CSMD3: variants seen among roughly 807,000 people sequenced by gnomAD.
CSMD3 encodes CUB and Sushi multiple domains 3.
In CSMD3, 177 loss-of-function variants were observed where a neutral mutation model predicts 435.2. The ratio of observed to expected loss-of-function variants is 0.41; its 90% confidence interval spans 0.36 to 0.46. The LOEUF (loss-of-function observed/expected upper bound fraction) is 0.46. Ranked by LOEUF, CSMD3 falls within the 20% of genes least tolerant of loss-of-function variation. The pLI is 0.34. For missense variants in CSMD3, 4,265 were observed against 4,504.6 expected (o/e 0.95, Z 1.52); for synonymous variants, 1,656 against 1,520.5 (o/e 1.09, Z -2.07).
intron 5 of CSMD3, among the ~76,000 whole-genome samples, chr8:113,084,122 A>C (rs2131467867): frequency 6.6e-6 from 1 of 152,306 alleles, no homozygotes; most frequent in South Asian, 2.1e-4. Context: ...TTCGCCAAGG[A>C]AAGGAAATAA....
chr8:112,903,451 T>G (rs2130460634), intron 10 of CSMD3, among the ~76,000 whole-genome samples: 1 of 151,382 alleles, frequency 6.6e-6, no homozygotes, highest in African/African-American at 2.4e-5. Flanking sequence ...GAGTTATTAT[T>G]ATTAGAATGG....
At chr8:112,873,879 T>G (rs1046114927) in intron 10 of CSMD3, among the ~76,000 whole-genome samples, 2 of 152,096 alleles carry the variant, frequency 1.3e-5, no homozygotes, top group Non-Finnish European at 2.9e-5. Flanking sequence ...TCACTGATTT[T>G]TTTTGAAGGG....
At position 112,380,449 on chromosome 8, in the gene CSMD3, T is replaced by A; in HGVS notation, c.6039A>T (p.Thr2013=). 1 of 1,532,776 alleles carries A rather than the reference T, an allele frequency of 6.5e-7. No individual in the cohort carries two copies. Among genetic ancestry groups the A allele is most frequent in the South Asian group, 1.1e-5 (1 of 89,340 alleles). 94.9% of individuals were successfully genotyped at this position (1,532,776 alleles called of 1,614,324 possible). The change falls in exon 38 of 71, where the codon ACA becomes ACT. Residue 2013 remains threonine (T), a synonymous_variant. Transcript: ENST00000297405. The part of the protein sequence containing the change: ...APRLGSYSGT[T]IPHLLNSTSN... ...ACGTACTATTCAAAAGATGGGGTAT[T>A]GTTGTTCCTGAAATGATATATGAGA...
At chr8:112,827,180 T>A (rs2079717017) in intron 12 of CSMD3, among the ~76,000 whole-genome samples, 1 of 72,544 alleles carries the variant, frequency 1.4e-5, no homozygotes, top group South Asian at 4.6e-4. Flanking sequence ...TATATATATA[T>A]ATATATATAT....
intron 22 of CSMD3, among the ~76,000 whole-genome samples, chr8:112,632,613 C>T (rs933224963): frequency 2.6e-5 from 4 of 151,896 alleles, no homozygotes; most frequent in Non-Finnish European, 5.9e-5. Context: ...TGCAACATGG[C>T]CTGGCTTGGT....
In CSMD3 at chr8:113,032,052, A is replaced by G. The variant is rs190764950; in HGVS notation, c.918-12873T>C. On this transcript the variant is annotated intron_variant, in intron 5 of 70. Transcript: ENST00000297405. Reference sequence around the variant, plus strand: ...TAAGTCTCCTGAGGCCTTCCCAGCCATGTGAAACTGTGAGTAAATTAAACC... The same window carrying G: ...TAAGTCTCCTGAGGCCTTCCCAGCCGTGTGAAACTGTGAGTAAATTAAACC... Among the ~76,000 whole-genome samples the G allele has an allele frequency of 7.3e-4, 111 of 151,768 alleles. 3 individuals carry two copies. The highest frequency in any genetic ancestry group is 1.4e-3 in the Non-Finnish European group (96 of 67,848).
chr8:113,066,842 T>A (rs1383300), intron 5 of CSMD3, among the ~76,000 whole-genome samples: 103,361 of 151,908 alleles, frequency 0.68, 37,003 homozygotes, highest in East Asian at 0.95. Flanking sequence ...AAAATTCTCA[T>A]ATAGGATGGG....
At chr8:113,277,051 T>C (rs1481163798) in intron 3 of CSMD3, among the ~76,000 whole-genome samples, 1 of 152,022 alleles carries the variant, frequency 6.6e-6, no homozygotes, top group African/African-American at 2.4e-5. Flanking sequence ...TCAATATATT[T>C]AGTACTTCCT....
chr8:112,988,653 C>T (rs766879672), intron 6 of CSMD3, among the ~76,000 whole-genome samples: 16 of 151,940 alleles, frequency 1.1e-4, no homozygotes, highest in Non-Finnish European at 2.4e-4. Flanking sequence ...TAACTTTTAC[C>T]AACAAAGTCT....
At chr8:113,080,741 A>C in intron 5 of CSMD3, among the ~76,000 whole-genome samples, 1 of 152,288 alleles carries the variant, frequency 6.6e-6, no homozygotes, top group South Asian at 2.1e-4. Context: ...AACCAGAGAA[A>C]CCAAATTTGA....
chr8:112,846,371 C>G (rs1448286134), intron 11 of CSMD3, among the ~76,000 whole-genome samples: 2 of 143,070 alleles, frequency 1.4e-5, no homozygotes, highest in African/African-American at 5.2e-5. Context: ...CCTTCCTTCC[C>G]TCCTTCCTTC....
In CSMD3 at chr8:112,773,409, AT is replaced by A. The variant is rs1236890443; in HGVS notation, c.1972+26752del. 2.0e-5 allele frequency among the ~76,000 whole-genome samples: 3 copies of A among 152,048 alleles called. No homozygotes were observed. In the East Asian group the frequency reaches 5.8e-4, roughly 29 times the overall value. The stretch of plus-strand genomic sequence containing the variant: ...ACCTGGTACAATCACTCTGAGACAA[AT>A]TCTAATAAATCTTTTTGTTACAGAA... On this transcript the variant is annotated intron_variant, in intron 13 of 70. Transcript: ENST00000297405.
At chr8:113,350,851 CTTT>C (rs1481051853) in intron 1 of CSMD3, among the ~76,000 whole-genome samples, 4 of 152,136 alleles carry the variant, frequency 2.6e-5, no homozygotes, top group Admixed American at 2.6e-4. Flanking sequence ...GTGCATGCCA[CTTT>C]TCTCCTTTAA....
In CSMD3 at chr8:112,281,285, ATGT is replaced by A; in HGVS notation, c.9394_9396del (p.Thr3132del). On this transcript the variant is annotated inframe_deletion, in exon 59 of 71. Transcript: ENST00000297405. ...CAGGAATAAATGACTGAACTAGAAAATGTTGTGCCATCAATTCGGAAGACTTTC... is the reference window on the plus strand; with the variant it reads ...CAGGAATAAATGACTGAACTAGAAAATGTGCCATCAATTCGGAAGACTTTC... 6.2e-7 allele frequency: 1 copy of A among 1,613,424 alleles called. No individual in the cohort carries two copies. Among genetic ancestry groups the A allele is most frequent in the Non-Finnish European group, 8.5e-7 (1 of 1,179,560 alleles).
intron 4 of CSMD3, among the ~76,000 whole-genome samples, chr8:113,168,159 T>G (rs2131861976): frequency 6.6e-6 from 1 of 152,190 alleles, no homozygotes; most frequent in Non-Finnish European, 1.5e-5. Flanking sequence ...TAACACATTG[T>G]CTTTTCTGGG....
intron 3 of CSMD3, among the ~76,000 whole-genome samples, chr8:113,274,625 A>G (rs118019897): frequency 0.03 from 4,507 of 152,194 alleles, 88 homozygotes; most frequent in Admixed American, 0.04. Context: ...AACTTCTCCT[A>G]CTTTACCTTC....
chr8:113,352,582 G>C (rs750555158), intron 1 of CSMD3, among the ~76,000 whole-genome samples: 27 of 152,280 alleles, frequency 1.8e-4, no homozygotes, highest in Non-Finnish European at 3.2e-4. Context: ...TATGTCTAGA[G>C]CACAAAAGCA....
chr8:112,582,334 C>A (rs1299402351), intron 23 of CSMD3, among the ~76,000 whole-genome samples: 1 of 151,890 alleles, frequency 6.6e-6, no homozygotes, highest in East Asian at 1.9e-4. Flanking sequence ...TTTGTAGAGC[C>A]TGCAGAACTG....
chr8:112,260,481 A>AT (rs1450087452), intron 61 of CSMD3, among the ~76,000 whole-genome samples: 6 of 152,212 alleles, frequency 3.9e-5, no homozygotes, highest in African/African-American at 1.4e-4. Flanking sequence ...AGATAGCGTT[A>AT]TTACATTTGA....
Sources: allele counts gnomAD v4.1 joint callset (sites outside exome capture counted in the v4.1 genomes callset), GRCh38; gene constraint gnomAD v4.1.1; transcripts MANE v1.5; gene names NCBI Gene and HGNC (gene_info 2026-07-23, HGNC 2026-07-21).